KAZN: variants seen among roughly 807,000 people sequenced by gnomAD.
KAZN encodes kazrin.
KAZN carries 40 observed loss-of-function variants against 87.4 expected under a neutral mutation model. The observed-to-expected ratio is 0.46, with a 90% CI of 0.36 to 0.60. The LOEUF is 0.60. Among genes scored for constraint, KAZN ranks in the 20% least tolerant of loss-of-function variants. KAZN has a pLI of 0.00. For synonymous variants in KAZN, 466 were observed against 458.3 expected, an observed-to-expected ratio of 1.02 and a Z score of -0.22; for missense variants, 898 against 1,073.9, an observed-to-expected ratio of 0.84 and a Z score of 2.29.
At chr1:14,924,800 C>A (rs1658984306) in intron 1 of KAZN, among the ~76,000 whole-genome samples, 1 of 152,152 alleles carries the variant, frequency 6.6e-6, no homozygotes, top group Non-Finnish European at 1.5e-5. Context: ...ACCGGGGGGC[C>A]AGGACCGCGC....
intron 1 of KAZN, among the ~76,000 whole-genome samples, chr1:14,005,882 T>A (rs549257119): frequency 1.3e-5 from 2 of 152,190 alleles, no homozygotes; most frequent in Non-Finnish European, 2.9e-5. Context: ...AGATCCTGGA[T>A]GAGCAAACAA....
intron 2 of KAZN, among the ~76,000 whole-genome samples, chr1:14,416,476 C>A (rs1174678176): frequency 1.3e-5 from 2 of 152,152 alleles, no homozygotes; most frequent in Admixed American, 1.3e-4. Flanking sequence ...GTGGCTCATG[C>A]CTATAATTCT....
At chr1:13,945,709 G>A (rs1641120532) in intron 1 of KAZN, among the ~76,000 whole-genome samples, 1 of 138,008 alleles carries the variant, frequency 7.2e-6, no homozygotes, top group South Asian at 2.6e-4. Flanking sequence ...GTGTGTGTGT[G>A]TGAGAGAGAG....
chr1:14,613,845 T>C (rs140768146), intron 1 of KAZN, among the ~76,000 whole-genome samples: 1,534 of 152,320 alleles, frequency 0.01, 11 homozygotes, highest in South Asian at 0.044. Flanking sequence ...TGGAAAACTA[T>C]GGCCTCTGCC....
intron 1 of KAZN, among the ~76,000 whole-genome samples, chr1:13,981,128 T>TGTATATATATATATGTATATATATATATG (rs375605048): frequency 7.4e-6 from 1 of 134,464 alleles, no homozygotes. Flanking sequence ...TAAACACAGA[T>TGTATATATATATATGTATATATATATATG]TATATATAGT....
At chr1:15,098,808 C>A (rs1008067011) in intron 10 of KAZN, among the ~76,000 whole-genome samples, 1 of 152,254 alleles carries the variant, frequency 6.6e-6, no homozygotes, top group Non-Finnish European at 1.5e-5. Flanking sequence ...GACCCGCTCA[C>A]CCAGCACTGC....
intron 2 of KAZN, among the ~76,000 whole-genome samples, chr1:14,275,975 T>G (rs1652312787): frequency 6.6e-6 from 1 of 152,184 alleles, no homozygotes; most frequent in South Asian, 2.1e-4. Flanking sequence ...TTTAAACATT[T>G]CCAGACTGCT....
intron 2 of KAZN, among the ~76,000 whole-genome samples, chr1:14,495,600 A>G (rs1360434021): frequency 6.6e-6 from 1 of 152,150 alleles, no homozygotes; most frequent in East Asian, 1.9e-4. Context: ...GTGAATTAGC[A>G]TGAGTCAGAA....
rs71000358 is a variant in KAZN at position 15,027,070 on chromosome 1, C to CTTTTTTTTTTTTTTT, written c.419-7664_419-7650dup. ...TAGGCAGATTCCCAAGCCAGTGCTT[C>CTTTTTTTTTTTTTTT]TTTTTTTTTTTTTTTTTTTTTTTTT... On this transcript the variant is annotated intron_variant, in intron 2 of 14. Transcript: ENST00000376030. 5.2e-4 allele frequency among the ~76,000 whole-genome samples: 29 copies of CTTTTTTTTTTTTTTT among 56,122 alleles called. 7 individuals carry two copies. Among genetic ancestry groups the CTTTTTTTTTTTTTTT allele is most frequent in the African/African-American group, 1.7e-3 (25 of 14,868 alleles). The allele number at this position is 56,122 out of a possible 152,430, so 36.8% of individuals were successfully genotyped here.
At position 14,949,537 on chromosome 1, in the gene KAZN, C is replaced by T. The variant is rs764784910; in HGVS notation, c.227-11147C>T. 6.6e-6 allele frequency among the ~76,000 whole-genome samples: 1 copy of T among 152,214 alleles called. No homozygotes were observed. Among genetic ancestry groups the T allele is most frequent in the Non-Finnish European group, 1.5e-5 (1 of 68,042 alleles). On this transcript the variant is annotated intron_variant, in intron 1 of 14. Coordinates refer to ENST00000376030, the MANE Select transcript of KAZN (RefSeq NM_201628.3). The surrounding 1 kb of genome is among the most constrained non-coding windows in gnomAD (Gnocchi z 4.3). ...GGCAGGTGCCTGCCTCTCCCACCCC[C>T]ACCCAGATGGTGTTTTTCGAGATTC...
At chr1:14,654,881 C>T (rs1416301310) in intron 1 of KAZN, among the ~76,000 whole-genome samples, 3 of 152,228 alleles carry the variant, frequency 2.0e-5, no homozygotes, top group African/African-American at 4.8e-5. Context: ...AGGACACTCT[C>T]ACCCAGGTCT....
chr1:14,584,481 A>G (rs185400289), intron 2 of KAZN, among the ~76,000 whole-genome samples: 75 of 152,290 alleles, frequency 4.9e-4, no homozygotes, highest in Non-Finnish European at 8.5e-4. Flanking sequence ...CTCTGCCTCT[A>G]GACTTCCCAG....
intron 1 of KAZN, among the ~76,000 whole-genome samples, chr1:14,639,887 C>T (rs1040760277): frequency 6.6e-6 from 1 of 152,076 alleles, no homozygotes; most frequent in Non-Finnish European, 1.5e-5. Flanking sequence ...TGAACCTCGC[C>T]GACTCCCAGG....
chr1:15,059,876 G>C (rs1212626679), intron 5 of KAZN, among the ~76,000 whole-genome samples: 2 of 151,994 alleles, frequency 1.3e-5, no homozygotes, highest in Non-Finnish European at 2.9e-5. Context: ...TGGAAACGAG[G>C]AGACTTGAAT....
At chr1:15,097,123 A>C (rs1640839303) in intron 10 of KAZN, among the ~76,000 whole-genome samples, 1 of 152,200 alleles carries the variant, frequency 6.6e-6, no homozygotes, top group Non-Finnish European at 1.5e-5. Flanking sequence ...TGAGAAGTGA[A>C]GGGAGTTAAA....
chr1:14,569,810 C>A (rs1674754538), intron 2 of KAZN, among the ~76,000 whole-genome samples: 1 of 151,968 alleles, frequency 6.6e-6, no homozygotes, highest in Non-Finnish European at 1.5e-5. Context: ...AAATCAGTTT[C>A]TGATGAAATC....
Position 14,947,764 on chromosome 1 carries a change from A to T in KAZN, c.227-12920A>T, listed in dbSNP as rs991825664. Among the ~76,000 whole-genome samples the T allele has an allele frequency of 4.6e-5, 7 of 152,326 alleles. No homozygotes were observed. In the East Asian group the frequency reaches 1.2e-3, roughly 25 times the overall value. On this transcript the variant is annotated intron_variant, in intron 1 of 14. Coordinates refer to ENST00000376030, the MANE Select transcript of KAZN (RefSeq NM_201628.3). ...CCCATGGGGTTGGTGAGAGAATCTG[A>T]TGGGCTGAGGCTCAGTGCCAGGCAC...
chr1:14,888,472 T>G (rs554859466), intron 1 of KAZN, among the ~76,000 whole-genome samples: 8 of 152,176 alleles, frequency 5.3e-5, no homozygotes, highest in Non-Finnish European at 1.2e-4. Flanking sequence ...TCTTTCCAGC[T>G]GCTAAAGAAT....
At chr1:14,811,753 G>C (rs1378180045) in intron 1 of KAZN, among the ~76,000 whole-genome samples, 1 of 152,158 alleles carries the variant, frequency 6.6e-6, no homozygotes, top group Non-Finnish European at 1.5e-5. Context: ...TTTTCTTAGT[G>C]ATACATCAAA....
Sources: allele counts gnomAD v4.1 joint callset (sites outside exome capture counted in the v4.1 genomes callset), GRCh38; gene constraint gnomAD v4.1.1; non-coding constraint Gnocchi (gnomAD v3.1); transcripts MANE v1.5; gene names NCBI Gene and HGNC (gene_info 2026-07-23, HGNC 2026-07-21).